The following SESN1 variants were observed in gnomAD, a reference collection of about 807,000 sequenced individuals.
SESN1 encodes sestrin-1.
SESN1 carries 30 observed loss-of-function variants against 59.3 expected under a neutral mutation model. The observed-to-expected ratio is 0.51, with a 90% CI of 0.38 to 0.69. The LOEUF (loss-of-function observed/expected upper bound fraction) is 0.69, where lower values mean the gene tolerates loss of function less well. Among genes scored for constraint, SESN1 ranks in the 30% least tolerant of loss-of-function variants. The pLI, the probability that SESN1 is intolerant of heterozygous loss-of-function variation, is 0.00. For synonymous variants in SESN1, 197 were observed against 219.9 expected (o/e 0.90, Z 0.92); for missense variants, 566 against 673.0 (o/e 0.84, Z 1.76).
chr6:109,046,216 G>C (rs2114427782), intron 1 of SESN1, among the ~76,000 whole-genome samples: 1 of 149,944 alleles, frequency 6.7e-6, no homozygotes, highest in Non-Finnish European at 1.5e-5. Context: ...GCCTCAGCCT[G>C]CCGAGTGCCT....
intron 1 of SESN1, among the ~76,000 whole-genome samples, chr6:109,075,123 T>C (rs1781010865): frequency 6.6e-6 from 1 of 152,158 alleles, no homozygotes; most frequent in Non-Finnish European, 1.5e-5. Context: ...ACTGGACTCA[T>C]ACTATCACTA....
intron 1 of SESN1, among the ~76,000 whole-genome samples, chr6:109,044,286 T>C (rs182781547): frequency 1.7e-3 from 184 of 106,618 alleles, no homozygotes; most frequent in Non-Finnish European, 1.3e-3. Context: ...CACTCCAGCC[T>C]AGATGACACA....
At chr6:108,989,449 C>CTGTA (rs1779300832) in intron 8 of SESN1, among the ~76,000 whole-genome samples, 1 of 148,056 alleles carries the variant, frequency 6.8e-6, no homozygotes, top group African/African-American at 2.6e-5. Flanking sequence ...CTAGATACAT[C>CTGTA]TCTATATCTA....
At position 109,055,451 on chromosome 6, in the gene SESN1, A is replaced by G. The variant is rs966575457; in HGVS notation, c.279+38344T>C. ...GCTGAGGTGGGTGGATCACGAGGCC[A>G]GGAGTTCAAGATCAGCCCGGCCAAG... On this transcript the variant is annotated intron_variant, in intron 1 of 9. Coordinates refer to ENST00000436639, the MANE Select transcript of SESN1 (RefSeq NM_014454.3). 2.6e-5 allele frequency among the ~76,000 whole-genome samples: 4 copies of G among 152,130 alleles called. No individual in the cohort carries two copies. The South Asian group carries it at 8.3e-4, about 32-fold the overall frequency.
chr6:109,055,297 T>C (rs1780610711), intron 1 of SESN1, among the ~76,000 whole-genome samples: 1 of 152,170 alleles, frequency 6.6e-6, no homozygotes, highest in South Asian at 2.1e-4. Context: ...CAGACTCTAC[T>C]TTCTTGTTTT....
chr6:109,059,401 T>C (rs1396813635), intron 1 of SESN1: 1 of 152,204 alleles, frequency 6.6e-6, no homozygotes, highest in Non-Finnish European at 1.5e-5. Context: ...TGACATGGAT[T>C]GCTAAAGCCT....
At chr6:109,054,134 T>G (rs1173002111) in intron 1 of SESN1, among the ~76,000 whole-genome samples, 1 of 152,128 alleles carries the variant, frequency 6.6e-6, no homozygotes, top group Non-Finnish European at 1.5e-5. Context: ...TCTAAGTAAT[T>G]GTCAATTTAA....
intron 1 of SESN1, among the ~76,000 whole-genome samples, chr6:109,055,825 G>A (rs2114448908): frequency 6.6e-6 from 1 of 152,140 alleles, no homozygotes; most frequent in African/African-American, 2.4e-5. Flanking sequence ...TGTAAGATCT[G>A]TACTCATTGT....
intron 1 of SESN1, among the ~76,000 whole-genome samples, chr6:109,034,745 C>T (rs779519360): frequency 4.6e-5 from 7 of 152,182 alleles, no homozygotes; most frequent in Non-Finnish European, 7.3e-5. Flanking sequence ...GTAAATTCTT[C>T]GTCTGTCTGA....
chr6:109,057,793 T>C (rs1780660599), intron 1 of SESN1, among the ~76,000 whole-genome samples: 1 of 152,146 alleles, frequency 6.6e-6, no homozygotes, highest in Admixed American at 6.5e-5. Context: ...AAAACTTCAT[T>C]CAGCTACACC....
chr6:109,067,905 T>C (rs1404974645), intron 1 of SESN1, among the ~76,000 whole-genome samples: 1 of 152,214 alleles, frequency 6.6e-6, no homozygotes, highest in Non-Finnish European at 1.5e-5. Flanking sequence ...TACGGTACTC[T>C]TACTGTTTGG....
intron 1 of SESN1, among the ~76,000 whole-genome samples, chr6:109,083,583 T>C (rs953442989): frequency 6.6e-6 from 1 of 152,198 alleles, no homozygotes. Flanking sequence ...AAAGGTCATA[T>C]GTTATAATTT....
At chr6:109,082,392 A>C (rs1158266938) in intron 1 of SESN1, among the ~76,000 whole-genome samples, 1 of 152,160 alleles carries the variant, frequency 6.6e-6, no homozygotes, top group African/African-American at 2.4e-5. Context: ...ATAACTCTGT[A>C]AGGGAACTGA....
At chr6:109,060,217 TGTTGA>T (rs1489703622) in intron 1 of SESN1, among the ~76,000 whole-genome samples, 2 of 152,192 alleles carry the variant, frequency 1.3e-5, no homozygotes, top group East Asian at 1.9e-4. Context: ...AAGGATAATT[TGTTGA>T]GTTTTTTTTC....
At chr6:109,074,950 G>A (rs547586375) in intron 1 of SESN1, among the ~76,000 whole-genome samples, 3 of 152,326 alleles carry the variant, frequency 2.0e-5, no homozygotes, top group Non-Finnish European at 2.9e-5. Flanking sequence ...AAGGAAGAAC[G>A]AGGAAGATGA....
intron 1 of SESN1, among the ~76,000 whole-genome samples, chr6:109,058,611 C>T (rs959363251): frequency 7.2e-5 from 11 of 152,164 alleles, no homozygotes; most frequent in African/African-American, 1.2e-4. Flanking sequence ...CATTGTAACA[C>T]GTAACAGAAG....
Position 108,991,081 on chromosome 6 carries a change from AC to A in SESN1, c.1234-247del, listed in dbSNP as rs770462157. 2.4e-4 allele frequency among the ~76,000 whole-genome samples: 37 copies of A among 151,436 alleles called. 3 individuals carry two copies. The highest frequency in any genetic ancestry group is 3.4e-3 in the Middle Eastern group (1 of 294). On this transcript the variant is annotated intron_variant, in intron 7 of 9. Coordinates refer to ENST00000436639, the MANE Select transcript of SESN1 (RefSeq NM_014454.3). ...AGTCTCATCTCAAAAAAAAACAACA[AC>A]AAAAAAAAACTAATAGTCTCTTCCC...
intron 1 of SESN1, among the ~76,000 whole-genome samples, chr6:109,060,833 G>T (rs1191230956): frequency 6.6e-6 from 1 of 152,168 alleles, no homozygotes; most frequent in East Asian, 1.9e-4. Flanking sequence ...AAGGGAATCA[G>T]GAATAATGAC....
chr6:109,059,157 G>T (rs1433895866), intron 1 of SESN1, among the ~76,000 whole-genome samples: 1 of 151,746 alleles, frequency 6.6e-6, no homozygotes, highest in East Asian at 1.9e-4. Context: ...CCAACCTGAG[G>T]AAGCTATTTC....
Sources: allele counts gnomAD v4.1 joint callset (sites outside exome capture counted in the v4.1 genomes callset), GRCh38; gene constraint gnomAD v4.1.1; transcripts MANE v1.5; gene names NCBI Gene and HGNC (gene_info 2026-07-23, HGNC 2026-07-21).